PRTFDC1: variants seen among roughly 807,000 people sequenced by gnomAD.
PRTFDC1 encodes phosphoribosyl transferase domain containing 1, also known as phosphoribosyltransferase domain-containing protein 1.
A neutral mutation model predicts 34.6 loss-of-function variants in PRTFDC1; 38 were observed. The ratio of observed to expected loss-of-function variants is 1.10; its 90% CI spans 0.85 to 1.44. The LOEUF (loss-of-function observed/expected upper bound fraction) is 1.44, where lower values mean the gene tolerates loss of function less well. Among genes scored for constraint, PRTFDC1 ranks in the 40% most tolerant of loss-of-function variants. The pLI is 0.00. For synonymous variants in PRTFDC1, 93 were observed against 98.1 expected, an observed-to-expected ratio of 0.95 and a Z score of 0.31; for missense variants, 270 against 283.0, an observed-to-expected ratio of 0.95 and a Z score of 0.33.
chr10:24,936,636 C>T (rs1849055777), intron 3 of PRTFDC1, among the ~76,000 whole-genome samples: 1 of 152,172 alleles, frequency 6.6e-6, no homozygotes, highest in Non-Finnish European at 1.5e-5. Flanking sequence ...GTGGTGCCCA[C>T]AGAAAGACAG....
At chr10:24,908,583 T>C in intron 3 of PRTFDC1, 1 of 1,612,680 alleles carries the variant, frequency 6.2e-7, no homozygotes, top group Non-Finnish European at 8.5e-7. Flanking sequence ...CTCCAGAGGG[T>C]ATTTGGAGAT....
intron 1 of PRTFDC1, among the ~76,000 whole-genome samples, chr10:24,946,912 G>T (rs912622568): frequency 2.6e-5 from 4 of 152,122 alleles, no homozygotes; most frequent in African/African-American, 9.7e-5. Flanking sequence ...GAAGTGGGAG[G>T]ATCACTTGAG....
Position 24,952,290 on chromosome 10 carries a change from C to T in PRTFDC1, c.48+238G>A, listed in dbSNP as rs1235699848. 1.3e-5 allele frequency among the ~76,000 whole-genome samples: 2 copies of T among 151,732 alleles called. No individual in the cohort carries two copies. The highest frequency in any genetic ancestry group is 3.9e-4 in the East Asian group (2 of 5,064). ...GACGCTGCAGGAGCGAGCTACCGGCCGGAGGACACGGGGGGACGCTGGGAA... is the reference window on the plus strand; with the variant it reads ...GACGCTGCAGGAGCGAGCTACCGGCTGGAGGACACGGGGGGACGCTGGGAA... On this transcript the variant is annotated intron_variant, in intron 1 of 8. Transcript: ENST00000320152. The surrounding 1 kb of genome is among the most constrained non-coding windows in gnomAD (Gnocchi z 5.1).
chr10:24,877,546 T>A lies in PRTFDC1; in HGVS notation c.340-5483A>T, dbSNP rs183598831. On this transcript the variant is annotated intron_variant, in intron 3 of 8. Transcript: ENST00000320152. ...TAGCTTCATGTAATAAGTTGGTTTT[T>A]CTATGCACTAGAAGATTCTGTATAT... Among the ~76,000 whole-genome samples the A allele has an allele frequency of 1.8e-3, 276 of 152,370 alleles. 2 individuals carry two copies. Among genetic ancestry groups the A allele is most frequent in the African/African-American group, 6.4e-3 (268 of 41,592 alleles).
At chr10:24,911,412 G>C (rs1187721210) in intron 3 of PRTFDC1, among the ~76,000 whole-genome samples, 6 of 152,308 alleles carry the variant, frequency 3.9e-5, no homozygotes, top group African/African-American at 9.6e-5. Context: ...GGCATTCCTT[G>C]CATGCAGTCC....
At chr10:24,914,980 A>G (rs1411633060) in intron 3 of PRTFDC1, among the ~76,000 whole-genome samples, 4 of 152,156 alleles carry the variant, frequency 2.6e-5, no homozygotes, top group Non-Finnish European at 4.4e-5. Flanking sequence ...AAAACTACCT[A>G]CTGGGTACTA....
At chr10:24,853,580 G>A (rs530740907) in intron 7 of PRTFDC1, among the ~76,000 whole-genome samples, 2 of 152,112 alleles carry the variant, frequency 1.3e-5, no homozygotes, top group African/African-American at 4.8e-5. Context: ...TGCACTGGGC[G>A]ACAGAGTCAG....
chr10:24,910,805 A>T (rs937138415), intron 3 of PRTFDC1, among the ~76,000 whole-genome samples: 1 of 152,218 alleles, frequency 6.6e-6, no homozygotes, highest in Non-Finnish European at 1.5e-5. Context: ...AAAACAAATC[A>T]AAAAGAAAAT....
intron 1 of PRTFDC1, among the ~76,000 whole-genome samples, chr10:24,943,012 C>T (rs1849192583): frequency 6.6e-6 from 1 of 150,684 alleles, no homozygotes; most frequent in African/African-American, 2.4e-5. Flanking sequence ...TTTGTGAGGG[C>T]ATATGTGTAA....
At chr10:24,898,159 G>C (rs1227921403) in intron 3 of PRTFDC1, among the ~76,000 whole-genome samples, 1 of 151,776 alleles carries the variant, frequency 6.6e-6, no homozygotes, top group African/African-American at 2.4e-5. Flanking sequence ...TGATGGAAAA[G>C]AAGAGCTGAG....
At chr10:24,872,329 G>A (rs541052950) in intron 3 of PRTFDC1, among the ~76,000 whole-genome samples, 5 of 152,198 alleles carry the variant, frequency 3.3e-5, no homozygotes, top group African/African-American at 7.2e-5. Flanking sequence ...AATCTAACAT[G>A]AAACAAAACA....
intron 1 of PRTFDC1, among the ~76,000 whole-genome samples, chr10:24,947,710 C>A (rs1474395477): frequency 6.6e-6 from 1 of 151,996 alleles, no homozygotes; most frequent in Non-Finnish European, 1.5e-5. Flanking sequence ...AATCTCTGCT[C>A]CTCTCCCCTG....
intron 3 of PRTFDC1, among the ~76,000 whole-genome samples, chr10:24,929,025 A>C (rs1848927474): frequency 7.2e-6 from 1 of 138,970 alleles, no homozygotes; most frequent in Non-Finnish European, 1.5e-5. Flanking sequence ...TAGGCGACAG[A>C]GGCAGACTCC....
At chr10:24,917,592 T>C (rs1041370454) in intron 3 of PRTFDC1, among the ~76,000 whole-genome samples, 5 of 152,216 alleles carry the variant, frequency 3.3e-5, no homozygotes, top group African/African-American at 1.2e-4. Context: ...TATTTTGTTC[T>C]GTTTCATCTG....
intron 5 of PRTFDC1, 74 bp from the exon 6 acceptor site, chr10:24,857,069 C>T (rs1027240890): frequency 4.4e-5 from 54 of 1,223,498 alleles, no homozygotes; most frequent in African/African-American, 6.0e-5. Context: ...CAGGGAGATA[C>T]TCCTGATTAA....
At chr10:24,853,325 A>T (rs191937205) in intron 7 of PRTFDC1, among the ~76,000 whole-genome samples, 1 of 152,082 alleles carries the variant, frequency 6.6e-6, no homozygotes, top group East Asian at 1.9e-4. Flanking sequence ...AAAAGAAAAA[A>T]AAAAGGTAAG....
intron 3 of PRTFDC1, among the ~76,000 whole-genome samples, chr10:24,907,779 G>A (rs1417794171): frequency 6.6e-6 from 1 of 152,024 alleles, no homozygotes; most frequent in Non-Finnish European, 1.5e-5. Flanking sequence ...AATGTAATGT[G>A]TTATACATTT....
intron 4 of PRTFDC1, among the ~76,000 whole-genome samples, chr10:24,864,044 A>T (rs1273036224): frequency 6.8e-6 from 1 of 146,356 alleles, no homozygotes; most frequent in East Asian, 2.0e-4. Context: ...ACTTTAGTGG[A>T]GGAAGTACCT....
intron 3 of PRTFDC1, chr10:24,908,772 A>C: frequency 6.9e-7 from 1 of 1,453,730 alleles, no homozygotes; most frequent in Admixed American, 2.3e-5. Context: ...CCTAGCGATC[A>C]ATGGGGTGAC....
Sources: allele counts gnomAD v4.1 joint callset (sites outside exome capture counted in the v4.1 genomes callset), GRCh38; gene constraint gnomAD v4.1.1; non-coding constraint Gnocchi (gnomAD v3.1); transcripts MANE v1.5; gene names NCBI Gene and HGNC (gene_info 2026-07-23, HGNC 2026-07-21).